The following ASIC2 variants were observed in gnomAD, a reference collection of about 807,000 sequenced individuals.
ASIC2 encodes the protein acid sensing ion channel subunit 2.
Under a neutral mutation model 57.3 loss-of-function variants are expected in ASIC2, and 25 were observed. That is an observed-to-expected ratio of 0.44 (90% CI 0.32 to 0.61). ASIC2 has a LOEUF of 0.61. ASIC2 is among the 20% of genes least tolerant of loss of function. The probability of loss-of-function intolerance (pLI) is 0.06; values close to 1 mark genes in which losing one functional copy is unlikely to be tolerated. For synonymous variants in ASIC2, 319 were observed against 307.5 expected (o/e 1.04, Z -0.39); for missense variants, 641 against 738.1 (o/e 0.87, Z 1.52).
intron 1 of ASIC2, among the ~76,000 whole-genome samples, chr17:33,622,038 T>C (rs1905818394): frequency 6.6e-6 from 1 of 152,084 alleles, no homozygotes; most frequent in South Asian, 2.1e-4. Flanking sequence ...ACTATCATCA[T>C]TGCCATAAGT....
upstream of ASIC2, among the ~76,000 whole-genome samples, chr17:33,295,843 C>T (rs1247285566): frequency 6.6e-6 from 1 of 152,028 alleles, no homozygotes; most frequent in Non-Finnish European, 1.5e-5. Flanking sequence ...GTATTTTGGC[C>T]TTTTTTATAC....
chr17:34,044,418 C>T (rs79161132), intron 1 of ASIC2, among the ~76,000 whole-genome samples: 11,991 of 152,118 alleles, frequency 0.079, 682 homozygotes, highest in Admixed American at 0.16. Flanking sequence ...TCCTTAATCT[C>T]GAGGGCTGCA....
chr17:34,140,595 G>GA (rs926100042), intron 1 of ASIC2, among the ~76,000 whole-genome samples: 2 of 151,714 alleles, frequency 1.3e-5, no homozygotes, highest in Non-Finnish European at 2.9e-5. Context: ...GCACAAGAAA[G>GA]AAAAAAAACT....
In ASIC2 at chr17:33,684,965, GGA is replaced by G. The variant is rs569339792; in HGVS notation, c.555+471011_555+471012del. ...GTCTAGGCATGAGACAGATGTAAGT[GGA>G]GCTGTCATATCGAAGCAGAAATAGC... On this transcript the variant is annotated intron_variant, in intron 1 of 9. Coordinates refer to the ASIC2 transcript ENST00000359872. 7.4e-4 allele frequency among the ~76,000 whole-genome samples: 113 copies of G among 152,272 alleles called. 2 individuals carry two copies. The highest frequency in any genetic ancestry group is 1.0e-3 in the South Asian group (5 of 4,828).
chr17:33,963,932 C>T (rs987490695), intron 1 of ASIC2, among the ~76,000 whole-genome samples: 3 of 152,190 alleles, frequency 2.0e-5, no homozygotes, highest in Admixed American at 1.3e-4. Flanking sequence ...GGGACTGAGA[C>T]CCTTTCTGCC....
Position 33,089,674 on chromosome 17 carries a change from C to A in ASIC2, c.860-684G>T, listed in dbSNP as rs973225636. Among the ~76,000 whole-genome samples, 5 of 152,322 alleles carry A rather than the reference C, an allele frequency of 3.3e-5. No homozygotes were observed. The East Asian group carries it at 9.6e-4, about 29-fold the overall frequency. ...TCCTTTATTTTATTGATTAACTTTTCTTCTGGGTCATGAACTGAAGGTGGG... is the reference window on the plus strand; with the variant it reads ...TCCTTTATTTTATTGATTAACTTTTATTCTGGGTCATGAACTGAAGGTGGG... On this transcript the variant is annotated intron_variant, in intron 2 of 9. Transcript: ENST00000225823.
At chr17:33,307,274 TTCC>T (rs759064661) in intron 1 of ASIC2, among the ~76,000 whole-genome samples, 1 of 90,076 alleles carries the variant, frequency 1.1e-5, no homozygotes, top group South Asian at 5.3e-4. Flanking sequence ...CCTCCTCCTC[TTCC>T]TTCTTCTTCT....
At chr17:33,623,232 T>A (rs1905855956) in intron 1 of ASIC2, among the ~76,000 whole-genome samples, 2 of 81,928 alleles carry the variant, frequency 2.4e-5, no homozygotes, top group South Asian at 7.3e-4. Flanking sequence ...CCTCTTGTGA[T>A]ATCGTTTTTT....
At chr17:33,729,732 G>A (rs868558801) in intron 1 of ASIC2, among the ~76,000 whole-genome samples, 3 of 152,300 alleles carry the variant, frequency 2.0e-5, no homozygotes, top group Middle Eastern at 6.8e-3. Context: ...AAGTCAATGA[G>A]TTTATCTGTG....
At chr17:33,141,262 C>T (rs2092386548) in intron 1 of ASIC2, among the ~76,000 whole-genome samples, 1 of 152,244 alleles carries the variant, frequency 6.6e-6, no homozygotes, top group African/African-American at 2.4e-5. Flanking sequence ...TCCCTTTCTC[C>T]CAGCCTCTAG....
intron 1 of ASIC2, among the ~76,000 whole-genome samples, chr17:33,277,562 T>C (rs960360241): frequency 6.6e-6 from 1 of 152,198 alleles, no homozygotes; most frequent in Non-Finnish European, 1.5e-5. Flanking sequence ...CAACCAGCCA[T>C]CCTGACCTAA....
At chr17:33,674,954 T>C (rs1416494544) in intron 1 of ASIC2, among the ~76,000 whole-genome samples, 4 of 152,146 alleles carry the variant, frequency 2.6e-5, no homozygotes, top group Admixed American at 6.5e-5. Flanking sequence ...AGAATGACAA[T>C]CTCATCAATG....
intron 1 of ASIC2, among the ~76,000 whole-genome samples, chr17:33,905,279 G>C (rs1302605172): frequency 1.3e-5 from 2 of 150,384 alleles, no homozygotes; most frequent in Non-Finnish European, 1.5e-5. Context: ...TGGCTCTAAA[G>C]CTCCTGCTTT....
chr17:34,003,016 C>G (rs938185347), intron 1 of ASIC2: 5 of 152,180 alleles, frequency 3.3e-5, no homozygotes, highest in African/African-American at 7.2e-5. Context: ...AGAGACAACA[C>G]AGTTCAAGGT....
intron 2 of ASIC2, among the ~76,000 whole-genome samples, chr17:33,108,161 C>T (rs886967419): frequency 2.6e-5 from 4 of 152,160 alleles, no homozygotes; most frequent in African/African-American, 4.8e-5. Flanking sequence ...GCCTGAGTCA[C>T]GCAGTTAGGA....
intron 1 of ASIC2, among the ~76,000 whole-genome samples, chr17:33,808,147 T>C (rs994217998): frequency 2.0e-5 from 3 of 152,268 alleles, no homozygotes; most frequent in African/African-American, 7.2e-5. Flanking sequence ...TAGGAGTTTA[T>C]AATTCTGTGC....
At chr17:34,003,876 A>G (rs1906431457) in intron 1 of ASIC2, 1 of 152,162 alleles carries the variant, frequency 6.6e-6, no homozygotes, top group African/African-American at 2.4e-5. Context: ...GTGTTTCCGT[A>G]TCATTGGCAC....
At chr17:34,127,186 C>G (rs1192139527) in intron 1 of ASIC2, among the ~76,000 whole-genome samples, 1 of 152,098 alleles carries the variant, frequency 6.6e-6, no homozygotes, top group Non-Finnish European at 1.5e-5. Flanking sequence ...ATGTGAAAGG[C>G]CAGGGGGTCA....
At chr17:34,059,894 G>T (rs749178314) in intron 1 of ASIC2, among the ~76,000 whole-genome samples, 28 of 152,154 alleles carry the variant, frequency 1.8e-4, no homozygotes, top group Non-Finnish European at 3.4e-4. Context: ...CCACCTGAAG[G>T]TTGTTCCCTA....
Sources: allele counts gnomAD v4.1 joint callset (sites outside exome capture counted in the v4.1 genomes callset), GRCh38; gene constraint gnomAD v4.1.1; transcripts MANE v1.5; gene names NCBI Gene and HGNC (gene_info 2026-07-23, HGNC 2026-07-21).